TOP2B: variants seen among roughly 807,000 people sequenced by gnomAD.
TOP2B encodes DNA topoisomerase II beta.
Under a neutral mutation model 193.5 loss-of-function variants are expected in TOP2B, and 51 were observed. The observed-to-expected ratio is 0.26, with a 90% confidence interval of 0.21 to 0.33. The LOEUF (loss-of-function observed/expected upper bound fraction) is 0.33. TOP2B is among the 10% of genes least tolerant of loss of function. TOP2B has a pLI of 1.00. For synonymous variants in TOP2B, 634 were observed against 635.7 expected, an observed-to-expected ratio of 1.00 and a Z score of 0.04; for missense variants, 1,378 against 1,909.3, an observed-to-expected ratio of 0.72 and a Z score of 5.19.
intron 13 of TOP2B, among the ~76,000 whole-genome samples, chr3:25,629,584 C>T (rs1702899973): frequency 6.6e-6 from 1 of 152,140 alleles, no homozygotes; most frequent in African/African-American, 2.4e-5. Context: ...ATTTTCTCTA[C>T]AAATACTTTA....
chr3:25,618,929 AATAACCATAAT>A, intron 23 of TOP2B, 80 bp from the exon 24 acceptor site: 1 of 1,052,816 alleles, frequency 9.5e-7, no homozygotes, highest in Non-Finnish European at 1.3e-6. Context: ...CAATACTTAA[AATAACCATAAT>A]ATATAACCAT....
intron 15 of TOP2B, 68 bp from the exon 16 acceptor site, chr3:25,627,364 G>T: frequency 9.5e-7 from 1 of 1,048,400 alleles, no homozygotes; most frequent in African/African-American, 1.6e-5. Flanking sequence ...CAAGTAAAAA[G>T]CTGGTGGAAA....
intron 13 of TOP2B, 59 bp downstream of exon 13, chr3:25,629,970 T>C: frequency 1.3e-6 from 2 of 1,487,406 alleles, no homozygotes; most frequent in Non-Finnish European, 1.8e-6. Flanking sequence ...AAAACAAATA[T>C]TAAAGGGAGA....
chr3:25,639,052 G>A (rs1703183807), intron 4 of TOP2B, among the ~76,000 whole-genome samples: 1 of 152,072 alleles, frequency 6.6e-6, no homozygotes, highest in African/African-American at 2.4e-5. Context: ...TAAAATACTT[G>A]CGAGTAGTTT....
At position 25,607,198 on chromosome 3, in the gene TOP2B, G is replaced by A. The variant is rs1702256125; in HGVS notation, c.4271C>T (p.Ser1424Leu). ...DGLDKDEYTF[S>L]PGKSKATPEK... ...TGGAGTGGCTTTTGATTTGCCTGGT[G>A]AAAATGTATATTCATCTTTATCTAA... Residue 1424 changes from serine (S) to leucine (L), a missense_variant, in exon 31 of 36, where the codon TCA becomes TTA. Ser to Leu is a moderately radical substitution (Grantham distance 145). Around this residue, in one of 9 missense-constraint regions of TOP2B, gnomAD observed 556 missense variants for 584.2 expected, o/e 0.95. Coordinates refer to ENST00000264331, the MANE Select transcript of TOP2B (RefSeq NM_001330700.2). The A allele has an allele frequency of 6.2e-7, 1 of 1,612,822 alleles. No individual in the cohort carries two copies. The highest frequency in any genetic ancestry group is 8.5e-7 in the Non-Finnish European group (1 of 1,179,328).
At chr3:25,638,100 A>G in intron 5 of TOP2B, 65 bp downstream of exon 5, 1 of 1,391,244 alleles carries the variant, frequency 7.2e-7, no homozygotes, top group South Asian at 1.4e-5. Context: ...CAATTTCCTT[A>G]GTAAGTTATA....
At chr3:25,620,841 T>C (rs767965125) in intron 21 of TOP2B, 25 bp from the exon 22 acceptor site, 4 of 1,609,262 alleles carry the variant, frequency 2.5e-6, no homozygotes, top group Admixed American at 1.7e-5. Context: ...GTAAATAGCA[T>C]TGACTTCTCT....
At chr3:25,641,889 G>A (rs1703274525) in intron 4 of TOP2B, among the ~76,000 whole-genome samples, 1 of 152,004 alleles carries the variant, frequency 6.6e-6, no homozygotes, top group Non-Finnish European at 1.5e-5. Flanking sequence ...AATCACCACA[G>A]TAATATAATT....
chr3:25,651,354 A>G (rs1703583237), intron 1 of TOP2B, among the ~76,000 whole-genome samples: 1 of 152,016 alleles, frequency 6.6e-6, no homozygotes, highest in Non-Finnish European at 1.5e-5. Flanking sequence ...TTATCACCTG[A>G]AGATATGTTA....
At chr3:25,606,260 GT>G (rs1469409150) in intron 31 of TOP2B, 138 bp from the exon 32 acceptor site, 3 of 473,168 alleles carry the variant, frequency 6.3e-6, no homozygotes, top group Non-Finnish European at 7.4e-6. Context: ...CTCTTTCTCT[GT>G]TAAAGACAGG....
chr3:25,638,352 A>C (rs13067229), intron 4 of TOP2B, 42 bp from the exon 5 acceptor site: 3 of 1,364,530 alleles, frequency 2.2e-6, no homozygotes, highest in Non-Finnish European at 2.8e-6. Flanking sequence ...AAAAAAAAAA[A>C]GCAGAATTTA....
At chr3:25,634,225 A>G (rs2125382942) in intron 7 of TOP2B, among the ~76,000 whole-genome samples, 1 of 152,230 alleles carries the variant, frequency 6.6e-6, no homozygotes, top group South Asian at 2.1e-4. Flanking sequence ...CAAAAAGAGG[A>G]TGTGAAGGGA....
intron 1 of TOP2B, among the ~76,000 whole-genome samples, chr3:25,660,578 C>T (rs1703879064): frequency 6.6e-6 from 1 of 152,022 alleles, no homozygotes; most frequent in African/African-American, 2.4e-5. Flanking sequence ...TATGTAAAGA[C>T]AAAGTGACAA....
intron 21 of TOP2B, 37 bp downstream of exon 21, chr3:25,623,478 T>A (rs1702716277): frequency 6.4e-7 from 1 of 1,565,060 alleles, no homozygotes; most frequent in Non-Finnish European, 8.8e-7. Flanking sequence ...TTACACATTA[T>A]CATTTGTTAA....
chr3:25,661,224 C>G (rs1490746366), intron 1 of TOP2B, among the ~76,000 whole-genome samples: 1 of 152,158 alleles, frequency 6.6e-6, no homozygotes, highest in African/African-American at 2.4e-5. Context: ...GTCATGAACT[C>G]CTGACCTCAG....
chr3:25,651,445 T>TAAA (rs34010313), intron 1 of TOP2B, among the ~76,000 whole-genome samples: 2 of 118,538 alleles, frequency 1.7e-5, no homozygotes, highest in African/African-American at 6.3e-5. Context: ...AACATGTCAC[T>TAAA]AAAAAAAAAA....
Position 25,664,458 on chromosome 3 carries a change from G to A in TOP2B, c.-161C>T. On this transcript the variant is annotated 5_prime_UTR_variant, in exon 1 of 36. Coordinates refer to ENST00000264331, the MANE Select transcript of TOP2B (RefSeq NM_001330700.2). ...CGCGAAGATCCGGAGCGGACGTCCA[G>A]CCGAGCCCGCTGAGGAGGCCGCGCC... 1 of 1,235,356 alleles carries A rather than the reference G, an allele frequency of 8.1e-7. No homozygotes were observed. The allele number at this position is 1,235,356 out of a possible 1,614,324, so 76.5% of individuals were successfully genotyped here. A position where few individuals can be genotyped will look rare whatever the true frequency, so the allele number is the denominator to read the frequency against.
At chr3:25,655,729 A>G (rs1047890642) in intron 1 of TOP2B, among the ~76,000 whole-genome samples, 6 of 152,250 alleles carry the variant, frequency 3.9e-5, no homozygotes, top group African/African-American at 9.6e-5. Context: ...GTCATGTGCT[A>G]TAACATGGAT....
At chr3:25,639,970 C>T (rs1268968701) in intron 4 of TOP2B, among the ~76,000 whole-genome samples, 1 of 152,076 alleles carries the variant, frequency 6.6e-6, no homozygotes, top group African/African-American at 2.4e-5. Context: ...ATCTGCTATA[C>T]AAAAATGTTA....
Sources: gnomAD v4.1 joint callset for allele counts (sites outside exome capture counted in the v4.1 genomes callset) on GRCh38, gnomAD v4.1.1 for gene constraint, gnomAD v4.1.1 regional missense constraint, MANE v1.5 for transcripts, NCBI Gene and HGNC (gene_info 2026-07-23, HGNC 2026-07-21) for gene names.